CPEB3: variants seen among roughly 807,000 people sequenced by gnomAD.
CPEB3 encodes the protein cytoplasmic polyadenylation element-binding protein 3.
Under a neutral mutation model 67.2 loss-of-function variants are expected in CPEB3, and 20 were observed. The observed-to-expected ratio is 0.30, with a 90% CI of 0.21 to 0.43. CPEB3 has a LOEUF of 0.43. Among genes scored for constraint, CPEB3 ranks in the 20% least tolerant of loss-of-function variants. The probability of loss-of-function intolerance (pLI) is 1.00; values close to 1 mark genes in which losing one functional copy is unlikely to be tolerated. For missense variants in CPEB3, 746 were observed against 968.6 expected (o/e 0.77, Z 3.05); for synonymous variants, 376 against 393.1 (o/e 0.96, Z 0.51).
At chr10:92,145,689 C>A (rs957510507) in intron 4 of CPEB3, among the ~76,000 whole-genome samples, 2 of 150,738 alleles carry the variant, frequency 1.3e-5, no homozygotes, top group African/African-American at 4.9e-5. Context: ...TAAAAAATCA[C>A]TGCATTTTAC....
intron 1 of CPEB3, among the ~76,000 whole-genome samples, chr10:92,287,133 C>CT (rs377070575): frequency 0.25 from 36,045 of 144,336 alleles, 4,894 homozygotes; most frequent in Middle Eastern, 0.33. Flanking sequence ...TTATCATAGA[C>CT]TTTTTTTTTT....
At chr10:92,263,594 G>T (rs1238172717) in intron 1 of CPEB3, among the ~76,000 whole-genome samples, 1 of 152,126 alleles carries the variant, frequency 6.6e-6, no homozygotes, top group Non-Finnish European at 1.5e-5. Flanking sequence ...TGCTATGCAG[G>T]TATTTCTTGT....
In CPEB3 at chr10:92,195,621, C is replaced by T. The variant is rs55924323; in HGVS notation, c.1006-2985G>A. Among the ~76,000 whole-genome samples the T allele has an allele frequency of 2.1e-3, 322 of 152,296 alleles. 1 individual carries two copies. The highest frequency in any genetic ancestry group is 7.3e-3 in the African/African-American group (304 of 41,554). The stretch of plus-strand genomic sequence containing the variant: ...GGAGCCCTCTATCACATCCACACTT[C>T]TAACTAGAACTCTGAAGACATGAGA... On this transcript the variant is annotated intron_variant, in intron 2 of 9. Transcript: ENST00000265997.
chr10:92,153,734 T>C (rs1302804325), intron 4 of CPEB3, among the ~76,000 whole-genome samples: 2 of 152,122 alleles, frequency 1.3e-5, no homozygotes, highest in African/African-American at 2.4e-5. Context: ...TGAGCCAAGA[T>C]TGCACCACTG....
At chr10:92,283,574 T>TA (rs986683517) in intron 1 of CPEB3, among the ~76,000 whole-genome samples, 1 of 152,078 alleles carries the variant, frequency 6.6e-6, no homozygotes, top group Admixed American at 6.6e-5. Context: ...GAGAACTTGT[T>TA]AAAAAGACAG....
chr10:92,215,468 A>C (rs1185617795), intron 2 of CPEB3, among the ~76,000 whole-genome samples: 1 of 140,050 alleles, frequency 7.1e-6, no homozygotes, highest in Non-Finnish European at 1.5e-5. Context: ...TTTTAGACGG[A>C]GTCTCACTCT....
intron 2 of CPEB3, among the ~76,000 whole-genome samples, chr10:92,195,832 C>T (rs913427722): frequency 2.0e-5 from 3 of 152,184 alleles, no homozygotes; most frequent in African/African-American, 7.2e-5. Context: ...CAAGAGCCCT[C>T]AATGCCAAAA....
At chr10:92,067,615 T>TC (rs1364680233) in intron 9 of CPEB3, among the ~76,000 whole-genome samples, 1 of 152,002 alleles carries the variant, frequency 6.6e-6, no homozygotes, top group African/African-American at 2.4e-5. Flanking sequence ...GGTCAGGAGT[T>TC]CAAGACCAGC....
chr10:92,095,600 ATTTTT>A lies in CPEB3; in HGVS notation c.1573-3661_1573-3657del, dbSNP rs11404019. Among the ~76,000 whole-genome samples, 151 of 123,052 alleles carry A rather than the reference ATTTTT, an allele frequency of 1.2e-3. 2 individuals are homozygous for A. Among genetic ancestry groups the A allele is most frequent in the African/African-American group, 4.3e-3 (120 of 28,032 alleles). The allele number at this position is 123,052 out of a possible 152,430, so 80.7% of individuals were successfully genotyped here. On this transcript the variant is annotated intron_variant, in intron 7 of 9. Coordinates refer to ENST00000265997, the MANE Select transcript of CPEB3 (RefSeq NM_014912.5). Reference sequence around the variant, plus strand: ...TCCTGATTTATATATATATATATATATTTTTTTTTTTTCATTGTGTATATATATAT... The same window carrying A: ...TCCTGATTTATATATATATATATATATTTTTTTCATTGTGTATATATATAT...
chr10:92,209,050 AATTCTTGGCAT>A (rs545367837), intron 2 of CPEB3, among the ~76,000 whole-genome samples: 21 of 152,218 alleles, frequency 1.4e-4, no homozygotes, highest in Non-Finnish European at 2.6e-4. Context: ...TTTTATCTTT[AATTCTTGGCAT>A]ATTAAAGTTC....
At chr10:92,190,235 G>A (rs1441278773) in intron 3 of CPEB3, among the ~76,000 whole-genome samples, 3 of 151,922 alleles carry the variant, frequency 2.0e-5, no homozygotes, top group Non-Finnish European at 2.9e-5. Context: ...CCAACATCAC[G>A]CCATTGCACT....
chr10:92,054,794 G>A (rs1053909806), intron 9 of CPEB3, among the ~76,000 whole-genome samples: 3 of 152,096 alleles, frequency 2.0e-5, no homozygotes, highest in Non-Finnish European at 4.4e-5. Context: ...TTAAAAATAT[G>A]TATACCCTTT....
chr10:92,228,967 C>T (rs545767487), intron 2 of CPEB3, among the ~76,000 whole-genome samples: 12 of 152,134 alleles, frequency 7.9e-5, no homozygotes, highest in Non-Finnish European at 1.2e-4. Context: ...CCACCTTGGC[C>T]TCCCAAAGTG....
intron 6 of CPEB3, among the ~76,000 whole-genome samples, chr10:92,122,841 G>A (rs1211983949): frequency 1.3e-5 from 2 of 152,174 alleles, no homozygotes; most frequent in Admixed American, 1.3e-4. Context: ...GACATTCCAA[G>A]GGAAACAACT....
intron 2 of CPEB3, among the ~76,000 whole-genome samples, chr10:92,232,182 AGCT>A (rs1851302022): frequency 6.6e-6 from 1 of 150,494 alleles, no homozygotes. Flanking sequence ...CCTCCCGAGT[AGCT>A]GGGATTACAG....
At chr10:92,249,651 A>G (rs1458545670) in intron 1 of CPEB3, among the ~76,000 whole-genome samples, 1 of 143,914 alleles carries the variant, frequency 6.9e-6, no homozygotes, top group Non-Finnish European at 1.5e-5. Context: ...CTCAAAAATA[A>G]AAATAAAAAA....
At chr10:92,095,390 ACACT>A (rs1358529247) in intron 7 of CPEB3, among the ~76,000 whole-genome samples, 2 of 152,016 alleles carry the variant, frequency 1.3e-5, no homozygotes, top group African/African-American at 4.8e-5. Flanking sequence ...CAATATCAAC[ACACT>A]CTATATACTA....
At chr10:92,175,356 T>C (rs578108150) in intron 4 of CPEB3, among the ~76,000 whole-genome samples, 1 of 152,154 alleles carries the variant, frequency 6.6e-6, no homozygotes, top group African/African-American at 2.4e-5. Flanking sequence ...TTCCATTGTA[T>C]GGATGTACCA....
At chr10:92,204,651 C>T (rs1397105820) in intron 2 of CPEB3, among the ~76,000 whole-genome samples, 1 of 152,124 alleles carries the variant, frequency 6.6e-6, no homozygotes, top group East Asian at 1.9e-4. Context: ...AAACCCCTCT[C>T]TTCTAGTGGA....
Sources: allele counts gnomAD v4.1 joint callset (sites outside exome capture counted in the v4.1 genomes callset), GRCh38; gene constraint gnomAD v4.1.1; transcripts MANE v1.5; gene names NCBI Gene and HGNC (gene_info 2026-07-23, HGNC 2026-07-21).